The following ZNF804A variants were observed in gnomAD, a reference collection of about 807,000 sequenced individuals.
ZNF804A encodes zinc finger protein 804A.
A neutral mutation model predicts 16.5 loss-of-function variants in ZNF804A; 2 were observed. The observed-to-expected ratio is 0.12, with a 90% CI of 0.05 to 0.38. The LOEUF (loss-of-function observed/expected upper bound fraction) is 0.38, where lower values mean the gene tolerates loss of function less well. Ranked by LOEUF, ZNF804A falls within the 10% of genes least tolerant of loss-of-function variation. The probability of loss-of-function intolerance (pLI) is 0.99; values close to 1 mark genes in which losing one functional copy is unlikely to be tolerated. For missense variants in ZNF804A, 1,473 were observed against 1,390.7 expected (o/e 1.06, Z -0.94); for synonymous variants, 534 against 489.6 (o/e 1.09, Z -1.20).
intron 2 of ZNF804A, among the ~76,000 whole-genome samples, chr2:184,928,559 C>T (rs1685644682): frequency 6.6e-6 from 1 of 152,088 alleles, no homozygotes; most frequent in African/African-American, 2.4e-5. Context: ...GGCTCTGAGC[C>T]CAGTTCAGCA....
At chr2:184,894,789 C>T (rs986142964) in intron 2 of ZNF804A, among the ~76,000 whole-genome samples, 2 of 151,984 alleles carry the variant, frequency 1.3e-5, no homozygotes, top group Non-Finnish European at 2.9e-5. Context: ...AGGTTCACGC[C>T]GTTCCCCTGC....
In ZNF804A at chr2:184,850,356, A is replaced by T. The variant is rs550217501; in HGVS notation, c.112-16013A>T. On this transcript the variant is annotated intron_variant, in intron 1 of 3. Coordinates refer to ENST00000302277, the MANE Select transcript of ZNF804A (RefSeq NM_194250.2). The stretch of plus-strand genomic sequence containing the variant: ...ACCCATAATAATTAAAAATTAATTT[A>T]AAAATGCAGTCAAGTAGTACTACAT... Among the ~76,000 whole-genome samples the T allele has an allele frequency of 3.7e-4, 56 of 152,032 alleles. No individual in the cohort carries two copies. In the South Asian group the frequency reaches 5.6e-3, roughly 15 times the overall value.
intron 3 of ZNF804A, among the ~76,000 whole-genome samples, chr2:184,934,414 T>C (rs1685752327): frequency 1.3e-5 from 2 of 152,166 alleles, no homozygotes; most frequent in African/African-American, 2.4e-5. Flanking sequence ...ATTGTCTATA[T>C]CAAAATTATT....
Position 184,936,789 on chromosome 2 carries a change from A to G in ZNF804A, c.1393A>G (p.Lys465Glu). Residue 465 changes from lysine to glutamate, a missense_variant, in exon 4 of 4, where the codon AAG (lysine) becomes GAG (glutamate). Lys to Glu is a moderately conservative substitution (Grantham distance 56). Transcript: ENST00000302277. ...CTGTAATCCTCTATGTTTTGACTTC[A>G]AGTCTACTAAAGTAAATAATAATCT... ...YSCNPLCFDF[K>E]STKVNNNLDK... 2.5e-6 allele frequency: 4 copies of G among 1,613,648 alleles called. No individual in the cohort carries two copies. Among genetic ancestry groups the G allele is most frequent in the Non-Finnish European group, 2.5e-6 (3 of 1,179,810 alleles).
At chr2:184,874,071 T>G (rs1343414927) in intron 2 of ZNF804A, among the ~76,000 whole-genome samples, 1 of 152,160 alleles carries the variant, frequency 6.6e-6, no homozygotes, top group Non-Finnish European at 1.5e-5. Flanking sequence ...CATGAAAGAA[T>G]CTTAGAAATA....
chr2:184,764,210 T>G (rs1054649478), intron 1 of ZNF804A, among the ~76,000 whole-genome samples: 1 of 152,130 alleles, frequency 6.6e-6, no homozygotes, highest in Non-Finnish European at 1.5e-5. Context: ...TATTCATTTT[T>G]TTTTTCTGGT....
intron 1 of ZNF804A, among the ~76,000 whole-genome samples, chr2:184,850,795 A>C (rs1316538815): frequency 6.6e-6 from 1 of 151,834 alleles, no homozygotes; most frequent in East Asian, 1.9e-4. Flanking sequence ...ATTATATATT[A>C]ACAGTTCCCA....
chr2:184,905,526 A>T (rs1301910216), intron 2 of ZNF804A, among the ~76,000 whole-genome samples: 1 of 152,128 alleles, frequency 6.6e-6, no homozygotes, highest in African/African-American at 2.4e-5. Flanking sequence ...CTTTTCTATC[A>T]TTTAGTGTTA....
intron 1 of ZNF804A, among the ~76,000 whole-genome samples, chr2:184,715,824 A>T (rs181551886): frequency 1.3e-5 from 2 of 152,152 alleles, no homozygotes; most frequent in African/African-American, 4.8e-5. Context: ...AGTATAGGGG[A>T]CTGATAAGGA....
At chr2:184,649,170 TGTAA>T (rs1475697535) in intron 1 of ZNF804A, among the ~76,000 whole-genome samples, 1 of 152,100 alleles carries the variant, frequency 6.6e-6, no homozygotes. Flanking sequence ...ACAACTTGAT[TGTAA>T]GTGACATTTG....
At chr2:184,887,511 T>A (rs1195758643) in intron 2 of ZNF804A, among the ~76,000 whole-genome samples, 1 of 152,184 alleles carries the variant, frequency 6.6e-6, no homozygotes, top group African/African-American at 2.4e-5. Flanking sequence ...TTCACACTGT[T>A]GATAAAGATG....
At chr2:184,609,846 C>G (rs1192775061) in intron 1 of ZNF804A, among the ~76,000 whole-genome samples, 1 of 152,206 alleles carries the variant, frequency 6.6e-6, no homozygotes, top group African/African-American at 2.4e-5. Context: ...TCATAGCACC[C>G]ATCTGTATTG....
At chr2:184,893,114 T>G (rs1307922347) in intron 2 of ZNF804A, among the ~76,000 whole-genome samples, 2 of 152,110 alleles carry the variant, frequency 1.3e-5, no homozygotes, top group Non-Finnish European at 2.9e-5. Flanking sequence ...TTATTTTCAA[T>G]TTAATATATA....
At chr2:184,908,710 T>C (rs1685315767) in intron 2 of ZNF804A, among the ~76,000 whole-genome samples, 1 of 152,144 alleles carries the variant, frequency 6.6e-6, no homozygotes. Context: ...TGAAACAGTA[T>C]ATAAAATGTG....
intron 2 of ZNF804A, among the ~76,000 whole-genome samples, chr2:184,874,504 A>G (rs1313532497): frequency 2.0e-5 from 3 of 152,120 alleles, no homozygotes; most frequent in Admixed American, 2.0e-4. Context: ...ATACTAACTC[A>G]GTAGTAAGTG....
intron 1 of ZNF804A, among the ~76,000 whole-genome samples, chr2:184,682,192 G>C (rs1285474689): frequency 2.6e-5 from 4 of 152,152 alleles, no homozygotes; most frequent in African/African-American, 9.7e-5. Flanking sequence ...GTGTTGAAAG[G>C]GGTGGGCCCT....
At chr2:184,633,304 G>A (rs1443055476) in intron 1 of ZNF804A, among the ~76,000 whole-genome samples, 3 of 152,158 alleles carry the variant, frequency 2.0e-5, no homozygotes, top group Non-Finnish European at 2.9e-5. Context: ...GGAATAGAAT[G>A]TCAGTTCTTC....
At chr2:184,839,410 T>C (rs1433417956) in intron 1 of ZNF804A, among the ~76,000 whole-genome samples, 3 of 152,032 alleles carry the variant, frequency 2.0e-5, no homozygotes, top group Non-Finnish European at 4.4e-5. Flanking sequence ...AAGTTATACA[T>C]TCTCAGATTT....
chr2:184,920,169 A>G (rs1685508282), intron 2 of ZNF804A, among the ~76,000 whole-genome samples: 1 of 152,038 alleles, frequency 6.6e-6, no homozygotes, highest in Middle Eastern at 3.2e-3. Flanking sequence ...ATCTATTTCA[A>G]ATGGTGCCTG....
Sources: gnomAD v4.1 joint callset for allele counts (sites outside exome capture counted in the v4.1 genomes callset) on GRCh38, gnomAD v4.1.1 for gene constraint, MANE v1.5 for transcripts, NCBI Gene and HGNC (gene_info 2026-07-23, HGNC 2026-07-21) for gene names.